Variants in PAX5 observed in about 807,000 individuals in gnomAD.
PAX5 encodes paired box 5.
A neutral mutation model predicts 43.7 loss-of-function variants in PAX5; 9 were observed. That is an observed-to-expected ratio of 0.21 (90% CI 0.12 to 0.36). The LOEUF is 0.36. Ranked by LOEUF, PAX5 falls within the 10% of genes least tolerant of loss-of-function variation. The pLI, the probability that PAX5 is intolerant of heterozygous loss-of-function variation, is 1.00. For synonymous variants in PAX5, 228 were observed against 214.3 expected (o/e 1.06, Z -0.56); for missense variants, 383 against 532.7 (o/e 0.72, Z 2.77).
At chr9:36,874,859 A>G (rs950115590) in intron 8 of PAX5, among the ~76,000 whole-genome samples, 2 of 152,206 alleles carry the variant, frequency 1.3e-5, no homozygotes, top group Non-Finnish European at 2.9e-5. Context: ...GCCCCTGTGT[A>G]AATAATAATA....
chr9:36,867,065 G>C (rs1241664512), intron 8 of PAX5, among the ~76,000 whole-genome samples: 1 of 132,610 alleles, frequency 7.5e-6, no homozygotes, highest in Non-Finnish European at 1.6e-5. Flanking sequence ...GGTGGTGGGG[G>C]GGGGGCCTTG....
At chr9:36,957,145 GA>G (rs1410117598) in intron 6 of PAX5, among the ~76,000 whole-genome samples, 1 of 152,206 alleles carries the variant, frequency 6.6e-6, no homozygotes, top group Non-Finnish European at 1.5e-5. Context: ...TTGCGGCTCA[GA>G]AGCCCTTCTC....
chr9:36,942,070 C>A (rs1832097747), intron 6 of PAX5, among the ~76,000 whole-genome samples: 1 of 152,236 alleles, frequency 6.6e-6, no homozygotes, highest in Non-Finnish European at 1.5e-5. Context: ...GCAGTGTGCC[C>A]AGGCAGCTGA....
intron 8 of PAX5, among the ~76,000 whole-genome samples, chr9:36,849,084 A>C (rs1587744641): frequency 6.6e-6 from 1 of 152,134 alleles, no homozygotes; most frequent in East Asian, 1.9e-4. Flanking sequence ...GTGGTTCTGC[A>C]GCACTGGCTT....
chr9:36,906,966 C>G (rs1828877974), intron 7 of PAX5, among the ~76,000 whole-genome samples: 1 of 152,188 alleles, frequency 6.6e-6, no homozygotes, highest in South Asian at 2.1e-4. Context: ...CAAAGCCAGG[C>G]AGTCTGATCC....
intron 8 of PAX5, chr9:36,860,931 C>T (rs1278831372): frequency 1.3e-5 from 2 of 152,230 alleles, no homozygotes; most frequent in Non-Finnish European, 1.5e-5. Context: ...CTGATGAAGA[C>T]CCATTTTTTT....
chr9:36,925,938 G>C (rs981778119), intron 6 of PAX5, among the ~76,000 whole-genome samples: 2 of 152,164 alleles, frequency 1.3e-5, no homozygotes, highest in Non-Finnish European at 2.9e-5. Context: ...GCCAAGTGGT[G>C]CCAGAACAAT....
rs544425039 is a variant in PAX5, at chr9:36,926,560, T to C, written c.781-3076A>G. Among the ~76,000 whole-genome samples, 44 of 152,370 alleles carry C rather than the reference T, an allele frequency of 2.9e-4. 2 individuals are homozygous for C. The South Asian group carries it at 9.1e-3, about 32-fold the overall frequency. ...CATTAGCCTCCTAATTTTCTGAGAA[T>C]GAATCGGGCATGAATTTAGAATTCC... On this transcript the variant is annotated intron_variant, in intron 6 of 9. Coordinates refer to ENST00000358127, the MANE Select transcript of PAX5 (RefSeq NM_016734.3).
intron 8 of PAX5, among the ~76,000 whole-genome samples, chr9:36,878,410 G>A (rs1224573527): frequency 6.6e-6 from 1 of 152,248 alleles, no homozygotes; most frequent in Non-Finnish European, 1.5e-5. Flanking sequence ...ATGTGGCAGA[G>A]CCAGGCACAA....
chr9:37,031,531 G>C (rs1564098754), intron 1 of PAX5, among the ~76,000 whole-genome samples: 1 of 152,142 alleles, frequency 6.6e-6, no homozygotes, highest in Non-Finnish European at 1.5e-5. Flanking sequence ...ACTTGTCCAA[G>C]TAGTAGTTTT....
intron 7 of PAX5, among the ~76,000 whole-genome samples, chr9:36,911,270 C>G (rs1829259063): frequency 6.6e-6 from 1 of 152,186 alleles, no homozygotes; most frequent in Non-Finnish European, 1.5e-5. Context: ...TGGCACAGAG[C>G]GAGAGCCCAA....
chr9:37,033,433 T>G (rs1411063), intron 1 of PAX5, among the ~76,000 whole-genome samples: 1 of 152,128 alleles, frequency 6.6e-6, no homozygotes, highest in South Asian at 2.1e-4. Context: ...CAAAAATCAC[T>G]TGGGATATAA....
At chr9:36,979,094 T>C (rs1039745623) in intron 5 of PAX5, among the ~76,000 whole-genome samples, 2 of 152,238 alleles carry the variant, frequency 1.3e-5, no homozygotes, top group Non-Finnish European at 2.9e-5. Flanking sequence ...TCGGTGATAG[T>C]ACCATTTCAC....
chr9:36,891,069 G>A (rs920451135), intron 7 of PAX5, among the ~76,000 whole-genome samples: 11 of 152,186 alleles, frequency 7.2e-5, no homozygotes, highest in African/African-American at 2.7e-4. Flanking sequence ...AACTTGGGAG[G>A]TGGAGGTTGC....
intron 6 of PAX5, among the ~76,000 whole-genome samples, chr9:36,952,309 GGCTCACT>G (rs1833079444): frequency 7.7e-6 from 1 of 129,590 alleles, no homozygotes; most frequent in Admixed American, 9.9e-5. Context: ...GCGAGATCTC[GGCTCACT>G]GCAACCTCCG....
At chr9:36,886,344 A>C (rs1826906063) in intron 7 of PAX5, among the ~76,000 whole-genome samples, 1 of 152,236 alleles carries the variant, frequency 6.6e-6, no homozygotes. Context: ...AACACGTATC[A>C]AATTCCAGGC....
intron 5 of PAX5, among the ~76,000 whole-genome samples, chr9:36,985,407 G>A (rs10123586): frequency 0.092 from 14,068 of 152,206 alleles, 785 homozygotes; most frequent in African/African-American, 0.16. Flanking sequence ...TGGAAAAGGG[G>A]ACTCTGGTGT....
intron 5 of PAX5, among the ~76,000 whole-genome samples, chr9:37,001,521 A>C (rs1364617586): frequency 3.9e-5 from 6 of 152,222 alleles, no homozygotes; most frequent in Non-Finnish European, 8.8e-5. Context: ...GGAGCAGAAG[A>C]GAGAGGCAAG....
intron 5 of PAX5, among the ~76,000 whole-genome samples, chr9:37,000,706 C>T (rs1443764811): frequency 1.3e-5 from 2 of 152,188 alleles, no homozygotes; most frequent in Non-Finnish European, 2.9e-5. Context: ...TTACATATCC[C>T]CAGAGATAGG....
Sources: allele counts gnomAD v4.1 joint callset (sites outside exome capture counted in the v4.1 genomes callset), GRCh38; gene constraint gnomAD v4.1.1; transcripts MANE v1.5; gene names NCBI Gene and HGNC (gene_info 2026-07-23, HGNC 2026-07-21).